CNTN3: variants seen among roughly 807,000 people sequenced by gnomAD.
The protein encoded by CNTN3 is contactin-3.
In CNTN3, 60 loss-of-function variants were observed where a neutral mutation model predicts 119.1. The observed-to-expected ratio is 0.50, with a 90% CI of 0.41 to 0.62. CNTN3 has a LOEUF of 0.62. Ranked by LOEUF, CNTN3 falls within the 20% of genes least tolerant of loss-of-function variation. CNTN3 has a pLI of 0.00. For missense variants in CNTN3, 1,101 were observed against 1,242.4 expected (o/e 0.89, Z 1.71); for synonymous variants, 450 against 438.7 (o/e 1.03, Z -0.32).
intron 10 of CNTN3, among the ~76,000 whole-genome samples, chr3:74,363,993 T>A (rs1018038012): frequency 1.3e-5 from 2 of 152,156 alleles, no homozygotes; most frequent in Admixed American, 1.3e-4. Context: ...GAAGATCATC[T>A]ATAATTTCAA....
At chr3:74,396,112 C>T (rs1705045616) in intron 5 of CNTN3, among the ~76,000 whole-genome samples, 1 of 152,072 alleles carries the variant, frequency 6.6e-6, no homozygotes, top group Non-Finnish European at 1.5e-5. Flanking sequence ...TTTGCCGAGA[C>T]ATAACAGTAT....
intron 6 of CNTN3, 86 bp downstream of exon 6, chr3:74,371,110 T>C (rs1704327121): frequency 5.6e-6 from 5 of 900,776 alleles, no homozygotes; most frequent in East Asian, 2.6e-5. Flanking sequence ...TTCTTCTAGA[T>C]GTACTTTTTA....
At chr3:74,552,326 C>A (rs188718814) in intron 1 of CNTN3, among the ~76,000 whole-genome samples, 1 of 152,302 alleles carries the variant, frequency 6.6e-6, no homozygotes, top group Non-Finnish European at 1.5e-5. Context: ...AGAAGTGCAA[C>A]TGCTGGATCT....
intron 5 of CNTN3, among the ~76,000 whole-genome samples, chr3:74,380,903 T>C (rs1023192970): frequency 1.3e-5 from 2 of 152,166 alleles, no homozygotes; most frequent in Non-Finnish European, 2.9e-5. Flanking sequence ...TCATCTTGCA[T>C]TACGGGTGAT....
At chr3:74,424,443 T>C (rs1260939634) in intron 5 of CNTN3, among the ~76,000 whole-genome samples, 1 of 147,514 alleles carries the variant, frequency 6.8e-6, no homozygotes, top group African/African-American at 2.5e-5. Context: ...TATTGGCACA[T>C]ACTAATAAGC....
At chr3:74,410,337 T>A (rs921456225) in intron 5 of CNTN3, among the ~76,000 whole-genome samples, 4 of 152,186 alleles carry the variant, frequency 2.6e-5, no homozygotes, top group African/African-American at 9.7e-5. Flanking sequence ...AAAACCCATA[T>A]AGATTTCATG....
intron 5 of CNTN3, among the ~76,000 whole-genome samples, chr3:74,423,606 C>T (rs1328200326): frequency 6.6e-6 from 1 of 152,214 alleles, no homozygotes; most frequent in Non-Finnish European, 1.5e-5. Context: ...TGTGAGCCAG[C>T]AAACTCCCAA....
intron 1 of CNTN3, among the ~76,000 whole-genome samples, chr3:74,609,844 C>T (rs892051444): frequency 8.5e-5 from 13 of 152,084 alleles, no homozygotes; most frequent in African/African-American, 2.9e-4. Flanking sequence ...TTACAAGGTA[C>T]TTACAGAATA....
At chr3:74,453,119 G>A (rs180727596) in intron 4 of CNTN3, among the ~76,000 whole-genome samples, 1 of 152,224 alleles carries the variant, frequency 6.6e-6, no homozygotes, top group East Asian at 1.9e-4. Flanking sequence ...ACCTCTGGCA[G>A]AATTCGGCTG....
chr3:74,269,220 T>A (rs1390339717), intron 20 of CNTN3, among the ~76,000 whole-genome samples: 1 of 152,118 alleles, frequency 6.6e-6, no homozygotes, highest in Non-Finnish European at 1.5e-5. Context: ...TATTTTACCT[T>A]CATCTCAATA....
chr3:74,388,910 A>G (rs1704824062), intron 5 of CNTN3, among the ~76,000 whole-genome samples: 1 of 152,162 alleles, frequency 6.6e-6, no homozygotes, highest in Admixed American at 6.5e-5. Flanking sequence ...CCACATTTTC[A>G]TTTGATTATT....
At chr3:74,456,922 T>TA (rs1217872468) in intron 4 of CNTN3, among the ~76,000 whole-genome samples, 1 of 152,086 alleles carries the variant, frequency 6.6e-6, no homozygotes. Context: ...AAGTTTTTTT[T>TA]ATGTACACTC....
chr3:74,366,780 G>GTGTGTGTATATATATATATATATATATA (rs1447686332), intron 8 of CNTN3, among the ~76,000 whole-genome samples: 1 of 63,712 alleles, frequency 1.6e-5, no homozygotes, highest in Non-Finnish European at 2.7e-5. Context: ...GTGTGTGTGT[G>GTGTGTGTATATATATATATATATATATA]TATATATATA....
At chr3:74,334,601 T>C (rs571921525) in intron 13 of CNTN3, 134 bp downstream of exon 13, 2 of 710,116 alleles carry the variant, frequency 2.8e-6, no homozygotes, top group Non-Finnish European at 4.6e-6. Context: ...AAAACAGAAC[T>C]GAGAACCACT....
In CNTN3 at chr3:74,262,761, T is replaced by C. The variant is rs1463433228; in HGVS notation, c.*1640A>G. ...TGAAAATGAAAAGTATAGGAACATA[T>C]AGGAATTACTAAATAATAAAAAGGT... On this transcript the variant is annotated 3_prime_UTR_variant, in exon 23 of 23. Coordinates refer to ENST00000263665, the MANE Select transcript of CNTN3 (RefSeq NM_020872.3). 1 of 152,252 alleles carries C rather than the reference T, an allele frequency of 6.6e-6. No individual in the cohort carries two copies. Among genetic ancestry groups the C allele is most frequent in the Admixed American group, 6.6e-5 (1 of 15,222 alleles). 9.4% of individuals were successfully genotyped at this position (152,252 alleles called of 1,614,324 possible). A position where few individuals can be genotyped will look rare whatever the true frequency, so the allele number is the denominator to read the frequency against.
rs201210877 is a variant in CNTN3 at position 74,440,661 on chromosome 3, A to AT, written c.359-15722dup. Among the ~76,000 whole-genome samples, 36 of 150,808 alleles carry AT rather than the reference A, an allele frequency of 2.4e-4. No individual in the cohort carries two copies. In the South Asian group the frequency reaches 2.7e-3, roughly 11 times the overall value. On this transcript the variant is annotated intron_variant, in intron 4 of 22. Transcript: ENST00000263665. ...TATACTTTTTTTCCTGTTGTTATTT[A>AT]TTTTTTTTTACTTTAAGTACTGGGA...
chr3:74,531,315 A>T (rs1673036645), intron 1 of CNTN3, among the ~76,000 whole-genome samples: 1 of 151,950 alleles, frequency 6.6e-6, no homozygotes, highest in African/African-American at 2.4e-5. Flanking sequence ...AAAGGAGCTA[A>T]GAGAAGAACT....
rs1380112773 is a variant in CNTN3 at position 74,614,549 on chromosome 3, C to A, written c.-239G>T. 7.4e-5 allele frequency among the ~76,000 whole-genome samples: 11 copies of A among 148,030 alleles called. No individual in the cohort carries two copies. In the South Asian group the frequency reaches 1.2e-3, roughly 17 times the overall value. Reference sequence around the variant, plus strand: ...GCCGCCGCCGCAGGCGCAGCACCCTCGTCCGCACGGTTCCCGGCCCAGTCC... The same window carrying A: ...GCCGCCGCCGCAGGCGCAGCACCCTAGTCCGCACGGTTCCCGGCCCAGTCC... On this transcript the variant is annotated 5_prime_UTR_variant, in exon 1 of 23. Coordinates refer to ENST00000263665, the MANE Select transcript of CNTN3 (RefSeq NM_020872.3).
intron 2 of CNTN3, among the ~76,000 whole-genome samples, chr3:74,520,488 T>G (rs1356023014): frequency 2.0e-5 from 3 of 151,544 alleles, no homozygotes; most frequent in Admixed American, 6.6e-5. Flanking sequence ...AAAATAAAAT[T>G]AACAAAAGAA....
Sources: gnomAD v4.1 joint callset for allele counts (sites outside exome capture counted in the v4.1 genomes callset) on GRCh38, gnomAD v4.1.1 for gene constraint, MANE v1.5 for transcripts, NCBI Gene and HGNC (gene_info 2026-07-23, HGNC 2026-07-21) for gene names.